Variants in PTPRK observed in about 807,000 individuals in gnomAD.
PTPRK encodes the protein receptor-type tyrosine-protein phosphatase kappa.
PTPRK carries 75 observed loss-of-function variants against 178.0 expected under a neutral mutation model. The ratio of observed to expected loss-of-function variants is 0.42; its 90% CI spans 0.35 to 0.51. The LOEUF (loss-of-function observed/expected upper bound fraction) is 0.51. Among genes scored for constraint, PTPRK ranks in the 20% least tolerant of loss-of-function variants. The probability of loss-of-function intolerance (pLI) is 0.02; values close to 1 mark genes in which losing one functional copy is unlikely to be tolerated. For synonymous variants in PTPRK, 637 were observed against 620.6 expected (o/e 1.03, Z -0.39); for missense variants, 1,441 against 1,797.8 (o/e 0.80, Z 3.59).
At chr6:127,989,365 G>A (rs928058263) in intron 21 of PTPRK, among the ~76,000 whole-genome samples, 1 of 145,232 alleles carries the variant, frequency 6.9e-6, no homozygotes, top group African/African-American at 2.6e-5. Flanking sequence ...TCATGATTAT[G>A]TTGTTCTGTA....
chr6:128,371,664 A>G (rs2128349154), intron 2 of PTPRK, among the ~76,000 whole-genome samples: 1 of 152,238 alleles, frequency 6.6e-6, no homozygotes, highest in Admixed American at 6.5e-5. Flanking sequence ...CCAACCAATC[A>G]CCATCTTTAT....
intron 1 of PTPRK, among the ~76,000 whole-genome samples, chr6:128,442,038 C>T (rs75177211): frequency 6.6e-6 from 1 of 152,156 alleles, no homozygotes; most frequent in Non-Finnish European, 1.5e-5. Flanking sequence ...CAAGTGTTAA[C>T]TCCATATTTG....
chr6:128,452,662 C>A (rs1363667691), intron 1 of PTPRK, among the ~76,000 whole-genome samples: 1 of 152,092 alleles, frequency 6.6e-6, no homozygotes, highest in Non-Finnish European at 1.5e-5. Flanking sequence ...TTAGTCAATA[C>A]CTTATTCTTT....
At chr6:128,308,958 C>T (rs1826844976) in intron 3 of PTPRK, among the ~76,000 whole-genome samples, 1 of 152,064 alleles carries the variant, frequency 6.6e-6, no homozygotes, top group African/African-American at 2.4e-5. Context: ...CAGGAGAAGG[C>T]AGATCATTGT....
At chr6:128,239,487 T>C (rs956376488) in intron 5 of PTPRK, among the ~76,000 whole-genome samples, 9 of 152,222 alleles carry the variant, frequency 5.9e-5, no homozygotes, top group Non-Finnish European at 1.3e-4. Flanking sequence ...CCAACATGTA[T>C]GTTAAATCAT....
chr6:128,067,383 G>T, intron 12 of PTPRK, 136 bp downstream of exon 12: 1 of 1,001,168 alleles, frequency 1.0e-6, no homozygotes. Context: ...TGCGCACACT[G>T]TTGAGAACAG....
At chr6:127,988,403 G>A (rs1185142682) in intron 21 of PTPRK, among the ~76,000 whole-genome samples, 3 of 149,046 alleles carry the variant, frequency 2.0e-5, no homozygotes, top group South Asian at 2.1e-4. Flanking sequence ...TTCCCAACTC[G>A]GATGATTCTC....
rs751529054 is a variant in PTPRK, at chr6:127,983,430, C to T, written c.3252-53G>A. On this transcript the variant is annotated intron_variant, in intron 22 of 29. Transcript: ENST00000368226. Reference sequence around the variant, plus strand: ...GTAAGAAGCATGTTAGTCTTCATAACCTTAAATAAGGACTTTTTCCACTGT... The same window carrying T: ...GTAAGAAGCATGTTAGTCTTCATAATCTTAAATAAGGACTTTTTCCACTGT... 5 of 1,577,892 alleles carry T rather than the reference C, an allele frequency of 3.2e-6. No homozygotes were observed. The Admixed American group carries it at 5.3e-5, about 17-fold the overall frequency.
intron 13 of PTPRK, chr6:128,062,213 CTTTTT>C (rs956241370): frequency 6.3e-6 from 1 of 158,846 alleles, no homozygotes; most frequent in Non-Finnish European, 1.5e-5. Flanking sequence ...CTTTTCTTTT[CTTTTT>C]TTTTTCCTTT....
rs2114629593 is a variant in PTPRK, at chr6:127,981,211, G to A, written c.3616C>T (p.Arg1206Cys). ...TCAGGTGGCAGCATGTCCATGAAACGGTTCTTGTCATGGTTCCTTGGCAGG... is the reference window on the plus strand; with the variant it reads ...TCAGGTGGCAGCATGTCCATGAAACAGTTCTTGTCATGGTTCCTTGGCAGG... The part of the protein sequence containing the change: ...ACLPRNHDKN[R>C]FMDMLPPDRC... Residue 1206 changes from arginine to cysteine, a missense_variant, in exon 25 of 30, where the codon CGT (arginine) becomes TGT (cysteine). Physicochemically the swap from Arg to Cys is radical, Grantham distance 180. Around this residue, in one of 4 missense-constraint regions of PTPRK, gnomAD observed 335 missense variants for 512.4 expected, o/e 0.65. Transcript: ENST00000368226. 6.2e-7 allele frequency: 1 copy of A among 1,613,836 alleles called. No individual in the cohort carries two copies. The highest frequency in any genetic ancestry group is 1.1e-5 in the South Asian group (1 of 91,076).
Position 128,394,791 on chromosome 6 carries a change from AT to A in PTPRK, c.223+2774del, listed in dbSNP as rs967349523. On this transcript the variant is annotated intron_variant, in intron 2 of 29. Coordinates refer to ENST00000368226, the MANE Select transcript of PTPRK (RefSeq NM_002844.4). ...CTGTATCTCCTCATGAATAGAAACA[AT>A]TTTTTTTATTATTCTCTACTATCTA... Among the ~76,000 whole-genome samples the A allele has an allele frequency of 7.9e-5, 12 of 152,070 alleles. 1 individual carries two copies. The highest frequency in any genetic ancestry group is 7.9e-4 in the Admixed American group (12 of 15,276).
At chr6:127,976,518 T>C (rs1774616289) in intron 27 of PTPRK, 139 bp downstream of exon 27, 2 of 1,068,694 alleles carry the variant, frequency 1.9e-6, no homozygotes, top group African/African-American at 3.2e-5. Context: ...TACTAAGGCA[T>C]AAGATGGTTA....
In PTPRK at chr6:128,138,278, G is replaced by A. The variant is rs865794934; in HGVS notation, c.1162+46154C>T. 6.6e-5 allele frequency among the ~76,000 whole-genome samples: 10 copies of A among 152,186 alleles called. No individual in the cohort carries two copies. In the South Asian group the frequency reaches 2.1e-3, roughly 32 times the overall value. ...AGAGATGGCTTTCTGGCCAGCCCCAGATGAATATAAAATAGTTTTACAAAC... is the reference window on the plus strand; with the variant it reads ...AGAGATGGCTTTCTGGCCAGCCCCAAATGAATATAAAATAGTTTTACAAAC... On this transcript the variant is annotated intron_variant, in intron 7 of 29. Coordinates refer to ENST00000368226, the MANE Select transcript of PTPRK (RefSeq NM_002844.4).
intron 2 of PTPRK, among the ~76,000 whole-genome samples, chr6:128,323,784 G>C (rs1263951433): frequency 6.6e-6 from 1 of 151,932 alleles, no homozygotes; most frequent in Admixed American, 6.6e-5. Context: ...TGATATTATT[G>C]TTCACTTCTT....
Position 128,064,763 on chromosome 6 carries a change from G to A in PTPRK, c.2189C>T (p.Thr730Ile), listed in dbSNP as rs759089264. ...ETKTQCVRIA[T>I]KAAATEEPEV... ...AAAAAAAGCAAACCTCTTACCTTTT[G>A]TAGCAATGCGTACGCACTGGGTTTT... Residue 730 changes from threonine (T) to isoleucine (I), a missense_variant, in exon 13 of 30, where the codon ACA becomes ATA. Around this residue, in one of 4 missense-constraint regions of PTPRK, gnomAD observed 945 missense variants for 1,080.6 expected, o/e 0.87. Coordinates refer to ENST00000368226, the MANE Select transcript of PTPRK (RefSeq NM_002844.4). 2.5e-6 allele frequency: 4 copies of A among 1,588,182 alleles called. No homozygotes were observed. The highest frequency in any genetic ancestry group is 1.2e-5 in the South Asian group (1 of 85,768).
intron 1 of PTPRK, among the ~76,000 whole-genome samples, chr6:128,412,237 C>T (rs927519668): frequency 3.3e-5 from 5 of 152,142 alleles, no homozygotes; most frequent in East Asian, 1.9e-4. Flanking sequence ...GGCAGAGTGG[C>T]GACAAGCCAG....
intron 1 of PTPRK, among the ~76,000 whole-genome samples, chr6:128,414,207 T>A (rs141173932): frequency 5.3e-4 from 81 of 152,280 alleles, no homozygotes; most frequent in African/African-American, 1.9e-3. Flanking sequence ...TTTCAGAACC[T>A]GAAGGAATGT....
At chr6:128,307,164 T>A (rs557912067) in intron 3 of PTPRK, among the ~76,000 whole-genome samples, 2,458 of 138,372 alleles carry the variant, frequency 0.018, 62 homozygotes, top group African/African-American at 0.07. Context: ...AAAAAAAATA[T>A]ATATATATAT....
rs1291303938 is a variant in PTPRK at position 128,206,944 on chromosome 6, A to G, written c.868+11978T>C. On this transcript the variant is annotated intron_variant, in intron 6 of 29. Transcript: ENST00000368226. ...GTTCCTGTCAACAACTACTATGCAT[A>G]AATATGAGGTAATTAAATTTACAAT... 2.0e-5 allele frequency among the ~76,000 whole-genome samples: 3 copies of G among 152,166 alleles called. 1 individual carries two copies. The highest frequency in any genetic ancestry group is 7.2e-5 in the African/African-American group (3 of 41,442).
Sources: allele counts gnomAD v4.1 joint callset (sites outside exome capture counted in the v4.1 genomes callset), GRCh38; gene constraint gnomAD v4.1.1; regional missense constraint gnomAD v4.1.1; transcripts MANE v1.5; gene names NCBI Gene and HGNC (gene_info 2026-07-23, HGNC 2026-07-21).